The following PELI2 variants were observed in gnomAD, a reference collection of about 807,000 sequenced individuals.
PELI2 encodes pellino E3 ubiquitin protein ligase family member 2, also known as E3 ubiquitin-protein ligase pellino homolog 2.
PELI2 carries 23 observed loss-of-function variants against 42.3 expected under a neutral mutation model. The observed-to-expected ratio is 0.54, with a 90% CI of 0.39 to 0.77. The LOEUF is 0.77. Ranked by LOEUF, PELI2 falls within the 30% of genes least tolerant of loss-of-function variation. The probability of loss-of-function intolerance (pLI) is 0.00; values close to 1 mark genes in which losing one functional copy is unlikely to be tolerated. For synonymous variants in PELI2, 245 were observed against 212.2 expected, an observed-to-expected ratio of 1.15 and a Z score of -1.34; for missense variants, 463 against 553.2, an observed-to-expected ratio of 0.84 and a Z score of 1.64.
intron 1 of PELI2, among the ~76,000 whole-genome samples, 154 bp downstream of exon 1, chr14:56,118,891 G>A (rs1425898720): frequency 6.6e-6 from 1 of 150,856 alleles, no homozygotes; most frequent in Non-Finnish European, 1.5e-5. Context: ...GGCGGCGCGG[G>A]GGCGGGATGC....
intron 1 of PELI2, among the ~76,000 whole-genome samples, chr14:56,138,612 A>C (rs1416861582): frequency 6.6e-6 from 1 of 152,236 alleles, no homozygotes; most frequent in Non-Finnish European, 1.5e-5. Context: ...ACACTTAAGA[A>C]AAAGTCAGAT....
chr14:56,127,319 AT>A (rs1448810171), intron 1 of PELI2, among the ~76,000 whole-genome samples: 1 of 152,178 alleles, frequency 6.6e-6, no homozygotes, highest in Non-Finnish European at 1.5e-5. Context: ...ACTAACAGAG[AT>A]TCGAGTAGGT....
In PELI2 at chr14:56,248,196, T is replaced by G. The variant is rs575609295; in HGVS notation, c.208-31480T>G. On this transcript the variant is annotated intron_variant, in intron 2 of 5. Transcript: ENST00000267460. ...TGTGAAATACAGTCCAAAAATAATT[T>G]TCAGCGTCTACCATGCTGCTATTAT... 1.7e-4 allele frequency among the ~76,000 whole-genome samples: 26 copies of G among 152,328 alleles called. 1 individual carries two copies. The South Asian group carries it at 5.4e-3, about 32-fold the overall frequency.
At chr14:56,119,599 C>G (rs1882989276) in intron 1 of PELI2, 1 of 178,790 alleles carries the variant, frequency 5.6e-6, no homozygotes, top group African/African-American at 2.4e-5. Context: ...GAGACTTCAT[C>G]TACTTCCTGA....
intron 1 of PELI2, among the ~76,000 whole-genome samples, chr14:56,170,944 C>A (rs1885144805): frequency 6.6e-6 from 1 of 152,188 alleles, no homozygotes. Flanking sequence ...AATTGAAACA[C>A]CCCTGTTGCA....
intron 2 of PELI2, among the ~76,000 whole-genome samples, chr14:56,203,327 G>A (rs1057099918): frequency 6.6e-6 from 1 of 152,112 alleles, no homozygotes; most frequent in African/African-American, 2.4e-5. Flanking sequence ...GTGACAAAGC[G>A]AGACTCTGTC....
chr14:56,277,768 A>G (rs1412138418), intron 2 of PELI2, among the ~76,000 whole-genome samples: 2 of 152,094 alleles, frequency 1.3e-5, no homozygotes, highest in Admixed American at 1.3e-4. Flanking sequence ...TAAAATAGCA[A>G]ATGTGTTAGG....
Position 56,272,481 on chromosome 14 carries a change from G to C in PELI2, c.208-7195G>C, listed in dbSNP as rs566927309. ...CTCTTTGGTATACATCATACATGTA[G>C]TTTGCAAAGCAGCCTCATAGTTTCT... On this transcript the variant is annotated intron_variant, in intron 2 of 5. Transcript: ENST00000267460. Among the ~76,000 whole-genome samples, 15 of 152,320 alleles carry C rather than the reference G, an allele frequency of 9.8e-5. No individual in the cohort carries two copies. The East Asian group carries it at 1.7e-3, about 18-fold the overall frequency.
chr14:56,166,542 T>C (rs1166545031), intron 1 of PELI2, among the ~76,000 whole-genome samples: 1 of 152,226 alleles, frequency 6.6e-6, no homozygotes, highest in East Asian at 1.9e-4. Flanking sequence ...TAGCATTTCT[T>C]GTAGGAGGGG....
intron 2 of PELI2, among the ~76,000 whole-genome samples, chr14:56,193,352 A>G (rs1190122141): frequency 1.3e-5 from 2 of 152,134 alleles, no homozygotes; most frequent in African/African-American, 2.4e-5. Context: ...AATTTAACCC[A>G]TTATCTGATT....
intron 1 of PELI2, among the ~76,000 whole-genome samples, chr14:56,124,142 G>T (rs1883162058): frequency 6.6e-6 from 1 of 152,148 alleles, no homozygotes; most frequent in Non-Finnish European, 1.5e-5. Context: ...TCATCTTCTG[G>T]AAAATAAAAT....
chr14:56,119,567 A>G (rs959450559), intron 1 of PELI2, among the ~76,000 whole-genome samples: 1 of 152,226 alleles, frequency 6.6e-6, no homozygotes, highest in Admixed American at 6.5e-5. Flanking sequence ...AATTATGTAC[A>G]ATCGTTAAAC....
intron 2 of PELI2, among the ~76,000 whole-genome samples, chr14:56,210,406 T>C (rs1308008105): frequency 2.0e-5 from 3 of 152,142 alleles, no homozygotes; most frequent in East Asian, 1.9e-4. Flanking sequence ...CTGTGTTTTA[T>C]TGTAAGCCTT....
chr14:56,229,249 C>T (rs1887471020), intron 2 of PELI2, among the ~76,000 whole-genome samples: 1 of 152,226 alleles, frequency 6.6e-6, no homozygotes, highest in African/African-American at 2.4e-5. Flanking sequence ...AGTAGTGGTT[C>T]TCCCAGCACG....
chr14:56,118,798 AGCGGGGCTG>A, intron 1 of PELI2, 61 bp downstream of exon 1: 1 of 1,210,878 alleles, frequency 8.3e-7, no homozygotes, highest in Non-Finnish European at 1.1e-6. Flanking sequence ...CGCATCCTGG[AGCGGGGCTG>A]GCGGGGTGGC....
At chr14:56,283,657 C>G (rs1005033459) in intron 3 of PELI2, among the ~76,000 whole-genome samples, 2 of 152,138 alleles carry the variant, frequency 1.3e-5, no homozygotes, top group East Asian at 3.8e-4. Context: ...GTAATGTAAA[C>G]TAAGGCCAGA....
intron 1 of PELI2, among the ~76,000 whole-genome samples, chr14:56,126,627 C>T (rs1420144537): frequency 1.3e-5 from 2 of 152,060 alleles, no homozygotes; most frequent in Non-Finnish European, 2.9e-5. Flanking sequence ...CTCGGTGGCC[C>T]CCCTCCTTTC....
chr14:56,144,672 A>G (rs1884045070), intron 1 of PELI2, among the ~76,000 whole-genome samples: 1 of 152,244 alleles, frequency 6.6e-6, no homozygotes, highest in Non-Finnish European at 1.5e-5. Context: ...AGATATGATT[A>G]TAAAATTTTG....
At chr14:56,151,865 C>A (rs575277933) in intron 1 of PELI2, among the ~76,000 whole-genome samples, 2 of 152,262 alleles carry the variant, frequency 1.3e-5, no homozygotes, top group South Asian at 4.2e-4. Context: ...AACAAAGATA[C>A]CCCAATGACA....
Sources: gnomAD v4.1 joint callset for allele counts (sites outside exome capture counted in the v4.1 genomes callset) on GRCh38, gnomAD v4.1.1 for gene constraint, MANE v1.5 for transcripts, NCBI Gene and HGNC (gene_info 2026-07-23, HGNC 2026-07-21) for gene names.